The following PFKFB3 variants were observed in gnomAD, a reference collection of about 807,000 sequenced individuals.
PFKFB3 encodes 6-phosphofructo-2-kinase/fructose-2,6-biphosphatase 3, also known as 6-phosphofructo-2-kinase/fructose-2,6-bisphosphatase 3.
PFKFB3 carries 33 observed loss-of-function variants against 68.0 expected under a neutral mutation model. That is an observed-to-expected ratio of 0.49 (90% CI 0.37 to 0.65). The LOEUF (loss-of-function observed/expected upper bound fraction) is 0.65, where lower values mean the gene tolerates loss of function less well. PFKFB3 is among the 30% of genes least tolerant of loss of function. The pLI, the probability that PFKFB3 is intolerant of heterozygous loss-of-function variation, is 0.00. For synonymous variants in PFKFB3, 315 were observed against 288.2 expected (o/e 1.09, Z -0.94); for missense variants, 586 against 712.2 (o/e 0.82, Z 2.02).
chr10:6,223,710 A>C (rs1040720876), intron 11 of PFKFB3, among the ~76,000 whole-genome samples: 1 of 152,070 alleles, frequency 6.6e-6, no homozygotes, highest in Admixed American at 6.5e-5. Context: ...TCCACCTCCC[A>C]GGTTCAAGCG....
chr10:6,158,679 G>A (rs142914293), intron 1 of PFKFB3, among the ~76,000 whole-genome samples: 1,651 of 151,868 alleles, frequency 0.011, 65 homozygotes, highest in East Asian at 0.1. Flanking sequence ...CAGCCTGGTC[G>A]ACATGGTGAA....
At chr10:6,259,202 T>TCTATCCATCCATCCATCCATCCATCCAC (rs1846517295), downstream of PFKFB3, among the ~76,000 whole-genome samples, 1 of 144,952 alleles carries the variant, frequency 6.9e-6, no homozygotes, top group Non-Finnish European at 1.5e-5. Flanking sequence ...CATCCATCCA[T>TCTATCCATCCATCCATCCATCCATCCAC]CCATCCATCC....
At chr10:6,304,666 A>G in the PFKFB3 span, among the ~76,000 whole-genome samples, 1 of 148,728 alleles carries the variant, frequency 6.7e-6, no homozygotes, top group African/African-American at 2.5e-5. Flanking sequence ...TTACTATTCT[A>G]AATTAAAAAT....
the PFKFB3 span, among the ~76,000 whole-genome samples, chr10:6,285,967 TCAC>T: frequency 6.8e-6 from 1 of 147,868 alleles, no homozygotes. Flanking sequence ...GACCATCCTT[TCAC>T]TGTTTTTTTT....
chr10:6,180,505 C>T (rs1245275194), intron 1 of PFKFB3, among the ~76,000 whole-genome samples: 1 of 152,156 alleles, frequency 6.6e-6, no homozygotes, highest in African/African-American at 2.4e-5. Context: ...TCCCACTTTG[C>T]CCAAGCTGGA....
chr10:6,219,059 TA>T (rs1374942872), intron 6 of PFKFB3, among the ~76,000 whole-genome samples: 1 of 152,208 alleles, frequency 6.6e-6, no homozygotes, highest in Non-Finnish European at 1.5e-5. Flanking sequence ...GGCACAGCCC[TA>T]GTTGGAGAAG....
chr10:6,314,321 G>T, the PFKFB3 span, among the ~76,000 whole-genome samples: 5 of 152,172 alleles, frequency 3.3e-5, no homozygotes, highest in Admixed American at 6.5e-5. Flanking sequence ...ATGGAAATAG[G>T]CAGAAAGAAA....
chr10:6,233,133 ACGTGGGTCCCTGGCGCCCTGCCTTTAGC>A lies in PFKFB3; in HGVS notation c.*198_*225del. ...CTCGGCCGCTGGACACCAGAAAGCCACGTGGGTCCCTGGCGCCCTGCCTTTAGCCGTGGGGCCCCCACCTCCACTCTCT... is the reference window on the plus strand; with the variant it reads ...CTCGGCCGCTGGACACCAGAAAGCCACGTGGGGCCCCCACCTCCACTCTCT... On this transcript the variant is annotated 3_prime_UTR_variant, in exon 15 of 15. Coordinates refer to ENST00000379775, the MANE Select transcript of PFKFB3 (RefSeq NM_004566.4). 1.8e-6 allele frequency: 1 copy of A among 569,706 alleles called. No homozygotes were observed. Among genetic ancestry groups the A allele is most frequent in the Non-Finnish European group, 3.1e-6 (1 of 317,484 alleles). 35.3% of individuals were successfully genotyped at this position (569,706 alleles called of 1,614,324 possible).
At chr10:6,253,517 G>A (rs1428640440) in intron 14 of PFKFB3, among the ~76,000 whole-genome samples, 2 of 152,196 alleles carry the variant, frequency 1.3e-5, no homozygotes, top group African/African-American at 4.8e-5. Flanking sequence ...CCCTAAAGGA[G>A]CTGGATTTGT....
chr10:6,281,353 C>G, the PFKFB3 span, among the ~76,000 whole-genome samples: 3 of 151,714 alleles, frequency 2.0e-5, no homozygotes, highest in African/African-American at 7.3e-5. Flanking sequence ...CTTACTAACA[C>G]AGAGATGGAG....
At chr10:6,189,061 G>A (rs947998338) in intron 1 of PFKFB3, among the ~76,000 whole-genome samples, 4 of 152,024 alleles carry the variant, frequency 2.6e-5, no homozygotes, top group Admixed American at 1.3e-4. Context: ...GGATGGTCTC[G>A]ATCTCCTGAC....
chr10:6,307,436 A>C, the PFKFB3 span, among the ~76,000 whole-genome samples: 1 of 152,060 alleles, frequency 6.6e-6, no homozygotes, highest in Non-Finnish European at 1.5e-5. Flanking sequence ...CAGTGGCCCC[A>C]AAGAAAGGAA....
At chr10:6,222,733 A>C (rs2131991889) in intron 10 of PFKFB3, 122 bp from the exon 11 acceptor site, 1 of 1,093,438 alleles carries the variant, frequency 9.1e-7, no homozygotes, top group South Asian at 1.7e-5. Flanking sequence ...CTTCTCAACC[A>C]CTGCTGATGA....
At chr10:6,240,677 C>T (rs1468916646) in intron 14 of PFKFB3, among the ~76,000 whole-genome samples, 1 of 152,128 alleles carries the variant, frequency 6.6e-6, no homozygotes, top group Non-Finnish European at 1.5e-5. Flanking sequence ...GTACCCTTGT[C>T]AAAACTATGA....
At chr10:6,176,568 G>C (rs1421039712) in intron 1 of PFKFB3, among the ~76,000 whole-genome samples, 1 of 152,068 alleles carries the variant, frequency 6.6e-6, no homozygotes, top group Non-Finnish European at 1.5e-5. Flanking sequence ...CATCATGCCT[G>C]GCTAATTTTT....
chr10:6,246,345 AT>A (rs1846259982), intron 14 of PFKFB3, among the ~76,000 whole-genome samples: 1 of 149,492 alleles, frequency 6.7e-6, no homozygotes, highest in Non-Finnish European at 1.5e-5. Context: ...TATTATTATT[AT>A]TAATTTTTTT....
chr10:6,146,506 G>A (rs1188287991), intron 1 of PFKFB3: 1 of 1,534,254 alleles, frequency 6.5e-7, no homozygotes. Context: ...GGTATGATTC[G>A]GCCACCTTGA....
chr10:6,314,830 C>G, the PFKFB3 span, among the ~76,000 whole-genome samples: 1 of 152,176 alleles, frequency 6.6e-6, no homozygotes, highest in Non-Finnish European at 1.5e-5. Flanking sequence ...TCATGAGAAG[C>G]TGATGTGGAA....
intron 1 of PFKFB3, among the ~76,000 whole-genome samples, chr10:6,155,258 A>T (rs944048006): frequency 7.1e-6 from 1 of 140,952 alleles, no homozygotes; most frequent in Non-Finnish European, 1.5e-5. Context: ...GCTGGAGGGC[A>T]GTGGCGCGAT....
Sources: allele counts gnomAD v4.1 joint callset (sites outside exome capture counted in the v4.1 genomes callset), GRCh38; gene constraint gnomAD v4.1.1; transcripts MANE v1.5; gene names NCBI Gene and HGNC (gene_info 2026-07-23, HGNC 2026-07-21).